UNC5D: variants seen among roughly 807,000 people sequenced by gnomAD.
The protein encoded by UNC5D is netrin receptor UNC5D.
In UNC5D, 39 loss-of-function variants were observed where a neutral mutation model predicts 105.4. That is an observed-to-expected ratio of 0.37 (90% CI 0.29 to 0.48). The LOEUF (loss-of-function observed/expected upper bound fraction) is 0.48. Among genes scored for constraint, UNC5D ranks in the 20% least tolerant of loss-of-function variants. UNC5D has a pLI of 0.98. For missense variants in UNC5D, 991 were observed against 1,202.4 expected (o/e 0.82, Z 2.60); for synonymous variants, 452 against 450.4 (o/e 1.00, Z -0.04).
chr8:35,596,376 G>A, intron 4 of UNC5D, among the ~76,000 whole-genome samples: 1 of 152,300 alleles, frequency 6.6e-6, no homozygotes, highest in East Asian at 1.9e-4. Context: ...TGATAGACTA[G>A]TAATATAGCT....
Position 35,748,703 on chromosome 8 carries a change from C to T in UNC5D, c.1935+8C>T. ...CAGCAGGGCAAATGGGAGGTGAGAC[C>T]CTTTACTTCCTTTTTTAAACAGTGG... On this transcript the variant is annotated splice_region_variant and intron_variant, in intron 12 of 16. Coordinates refer to ENST00000404895, the MANE Select transcript of UNC5D (RefSeq NM_080872.4). The T allele has an allele frequency of 6.2e-7, 1 of 1,609,476 alleles. No homozygotes were observed. The highest frequency in any genetic ancestry group is 1.3e-5 in the African/African-American group (1 of 74,686).
intron 1 of UNC5D, among the ~76,000 whole-genome samples, chr8:35,459,052 C>G (rs1177148953): frequency 6.6e-6 from 1 of 152,146 alleles, no homozygotes; most frequent in Non-Finnish European, 1.5e-5. Context: ...ATGGGGAAGA[C>G]ATTTCAGAAT....
At chr8:35,301,429 G>A (rs544981890) in intron 1 of UNC5D, among the ~76,000 whole-genome samples, 1 of 152,250 alleles carries the variant, frequency 6.6e-6, no homozygotes, top group African/African-American at 2.4e-5. Context: ...CATCAATCAG[G>A]CAGCACTCAA....
intron 1 of UNC5D, among the ~76,000 whole-genome samples, chr8:35,451,189 A>G (rs1465149437): frequency 6.6e-6 from 1 of 151,944 alleles, no homozygotes; most frequent in Non-Finnish European, 1.5e-5. Flanking sequence ...GATTACAGGC[A>G]TGCACCACCA....
intron 1 of UNC5D, among the ~76,000 whole-genome samples, chr8:35,498,005 G>T (rs1216285422): frequency 6.8e-6 from 1 of 148,054 alleles, no homozygotes; most frequent in Non-Finnish European, 1.5e-5. Context: ...GGAGGCAGAG[G>T]TTGCAGTGGG....
chr8:35,555,875 GCACACA>G (rs56788274), intron 2 of UNC5D, among the ~76,000 whole-genome samples: 10,835 of 134,002 alleles, frequency 0.081, 562 homozygotes, highest in Middle Eastern at 0.14. Context: ...TAAAAAAACA[GCACACA>G]CACACACACA....
intron 1 of UNC5D, among the ~76,000 whole-genome samples, chr8:35,532,253 A>G (rs1814444882): frequency 6.8e-6 from 1 of 146,930 alleles, no homozygotes; most frequent in African/African-American, 2.5e-5. Context: ...TGGTGACAAA[A>G]TCTCTCAGCA....
intron 4 of UNC5D, among the ~76,000 whole-genome samples, chr8:35,643,200 C>G (rs1822858119): frequency 6.6e-6 from 1 of 152,186 alleles, no homozygotes; most frequent in South Asian, 2.1e-4. Flanking sequence ...ATAGGCACCA[C>G]TTAGTCCTGC....
intron 11 of UNC5D, among the ~76,000 whole-genome samples, chr8:35,734,839 A>G (rs975563058): frequency 6.9e-4 from 101 of 145,834 alleles, no homozygotes; most frequent in Admixed American, 1.9e-3. Flanking sequence ...TTGGAGTGCA[A>G]TGGCGCCATC....
intron 1 of UNC5D, among the ~76,000 whole-genome samples, chr8:35,464,124 C>T (rs1398008657): frequency 1.3e-5 from 2 of 152,000 alleles, no homozygotes; most frequent in East Asian, 1.9e-4. Flanking sequence ...GTCAGGAGTT[C>T]GAGACCAGCC....
chr8:35,544,377 AATCT>A, intron 1 of UNC5D: 5 of 1,596,832 alleles, frequency 3.1e-6, no homozygotes, highest in Non-Finnish European at 4.3e-6. Context: ...AATAACAGAA[AATCT>A]ATCAGTAGCG....
chr8:35,476,009 G>T (rs1421728473), intron 1 of UNC5D, among the ~76,000 whole-genome samples: 1 of 152,170 alleles, frequency 6.6e-6, no homozygotes, highest in South Asian at 2.1e-4. Context: ...TTTGAGGACA[G>T]TGTTTTTGTC....
At chr8:35,281,344 T>A (rs998234375) in intron 1 of UNC5D, among the ~76,000 whole-genome samples, 4 of 152,194 alleles carry the variant, frequency 2.6e-5, no homozygotes, top group Admixed American at 6.5e-5. Context: ...CAAAGAGCTA[T>A]ACCTATGTTA....
intron 4 of UNC5D, among the ~76,000 whole-genome samples, chr8:35,674,386 A>T (rs4237085): frequency 0.94 from 142,503 of 152,262 alleles, 66,719 homozygotes; most frequent in East Asian, 0.99. Context: ...TATGTGTATA[A>T]ATGTGTGTGA....
intron 8 of UNC5D, among the ~76,000 whole-genome samples, chr8:35,710,838 C>A (rs573999520): frequency 6.6e-6 from 1 of 152,304 alleles, no homozygotes; most frequent in Non-Finnish European, 1.5e-5. Context: ...CTCTTTGTAG[C>A]CAGTCTTGCC....
intron 1 of UNC5D, among the ~76,000 whole-genome samples, chr8:35,441,065 C>G (rs1807363044): frequency 1.3e-5 from 2 of 152,034 alleles, no homozygotes; most frequent in Admixed American, 6.6e-5. Flanking sequence ...TGTGACTCCC[C>G]TCTTGGCCAT....
chr8:35,457,474 G>C lies in UNC5D; in HGVS notation c.104-91818G>C, dbSNP rs187352879. On this transcript the variant is annotated intron_variant, in intron 1 of 16. Coordinates refer to ENST00000404895, the MANE Select transcript of UNC5D (RefSeq NM_080872.4). ...CATTCTTAAGGTAGCAAGTTTGAAGGTGTGTTATGGTTATGATAGGTACTG... is the reference window on the plus strand; with the variant it reads ...CATTCTTAAGGTAGCAAGTTTGAAGCTGTGTTATGGTTATGATAGGTACTG... Among the ~76,000 whole-genome samples the C allele has an allele frequency of 1.5e-3, 231 of 152,240 alleles. 1 individual carries two copies. The highest frequency in any genetic ancestry group is 2.2e-3 in the Non-Finnish European group (150 of 68,014).
At chr8:35,277,979 T>G (rs1338550532) in intron 1 of UNC5D, among the ~76,000 whole-genome samples, 1 of 152,184 alleles carries the variant, frequency 6.6e-6, no homozygotes, top group Admixed American at 6.5e-5. Context: ...AGAAGCAAAC[T>G]CAGTACCCGA....
chr8:35,317,400 T>C (rs928426951), intron 1 of UNC5D, among the ~76,000 whole-genome samples: 8 of 152,162 alleles, frequency 5.3e-5, no homozygotes, highest in African/African-American at 1.9e-4. Flanking sequence ...CTGACTTCAC[T>C]GGCCACAATG....
Sources: allele counts gnomAD v4.1 joint callset (sites outside exome capture counted in the v4.1 genomes callset), GRCh38; gene constraint gnomAD v4.1.1; transcripts MANE v1.5; gene names NCBI Gene and HGNC (gene_info 2026-07-23, HGNC 2026-07-21).